Variants in ATP6V0A2 observed in about 807,000 individuals in gnomAD.
ATP6V0A2 encodes ATPase H+ transporting V0 subunit a2.
A neutral mutation model predicts 104.4 loss-of-function variants in ATP6V0A2; 58 were observed. That is an observed-to-expected ratio of 0.56 (90% CI 0.45 to 0.69). The LOEUF (loss-of-function observed/expected upper bound fraction) is 0.69, where lower values mean the gene tolerates loss of function less well. Ranked by LOEUF, ATP6V0A2 falls within the 30% of genes least tolerant of loss-of-function variation. The pLI is 0.00. For missense variants in ATP6V0A2, 938 were observed against 1,062.9 expected (o/e 0.88, Z 1.63); for synonymous variants, 376 against 397.9 (o/e 0.95, Z 0.65).
chr12:123,732,653 C>A, intron 6 of ATP6V0A2: 1 of 149,026 alleles, frequency 6.7e-6, no homozygotes, highest in Non-Finnish European at 1.5e-5. Context: ...TCCATTTACC[C>A]TGACTTGAAG....
At chr12:123,738,416 T>G (rs537784506) in intron 9 of ATP6V0A2, among the ~76,000 whole-genome samples, 1 of 152,230 alleles carries the variant, frequency 6.6e-6, no homozygotes, top group African/African-American at 2.4e-5. Context: ...AAAGAGCGTT[T>G]TCAATTTTCT....
At chr12:123,731,135 A>G (rs1047276402) in intron 6 of ATP6V0A2, 1 of 152,256 alleles carries the variant, frequency 6.6e-6, no homozygotes, top group African/African-American at 2.4e-5. Context: ...ATGCATGTCC[A>G]TTATAGAAAA....
Position 123,744,060 on chromosome 12 carries a change from A to G in ATP6V0A2, c.1189+125A>G, listed in dbSNP as rs1257806171. ...CTTTTTTGCTATCTTATTTAAAAGT[A>G]TAAGGTTTTAAATGTAACCACACAA... is the stretch of plus-strand genomic sequence containing the variant. On this transcript the variant is annotated intron_variant, in intron 10 of 19. Coordinates refer to ENST00000330342, the MANE Select transcript of ATP6V0A2 (RefSeq NM_012463.4). This position sits in a 1 kb window ranked among gnomAD's most constrained non-coding sequence, Gnocchi z 5.4. The G allele has an allele frequency of 5.9e-6, 9 of 1,533,152 alleles. No individual in the cohort carries two copies. The highest frequency in any genetic ancestry group is 2.2e-5 in the East Asian group (1 of 44,510). The allele number at this position is 1,533,152 out of a possible 1,614,324, so 95.0% of individuals were successfully genotyped here.
intron 16 of ATP6V0A2, among the ~76,000 whole-genome samples, chr12:123,751,954 G>A (rs1397734907): frequency 6.8e-6 from 1 of 147,340 alleles, no homozygotes; most frequent in Non-Finnish European, 1.5e-5. Flanking sequence ...TCTGCCCTCC[G>A]GGTTCAAGCA....
At chr12:123,727,679 A>T (rs1284223761) in intron 5 of ATP6V0A2, 104 bp from the exon 6 acceptor site, 4 of 1,421,822 alleles carry the variant, frequency 2.8e-6, no homozygotes, top group Non-Finnish European at 3.9e-6. Flanking sequence ...GGCTCTCAGG[A>T]TGTCTTCACC....
At chr12:123,737,429 A>G in intron 9 of ATP6V0A2, 158 bp downstream of exon 9, 1 of 796,366 alleles carries the variant, frequency 1.3e-6, no homozygotes, top group East Asian at 2.8e-5. Flanking sequence ...ACAAAATTAA[A>G]ATAGAGATGG....
intron 6 of ATP6V0A2, 142 bp from the exon 7 acceptor site, chr12:123,733,784 C>A: frequency 1.4e-6 from 1 of 703,984 alleles, no homozygotes; most frequent in Admixed American, 2.1e-5. Context: ...TAGGTGAATT[C>A]GTAATTACAG....
intron 9 of ATP6V0A2, among the ~76,000 whole-genome samples, chr12:123,742,837 A>G (rs1469001076): frequency 7.1e-6 from 1 of 140,786 alleles, no homozygotes. Context: ...CTCCTTCTTT[A>G]AAAAAAAAAA....
chr12:123,753,165 ACC>A, intron 17 of ATP6V0A2, among the ~76,000 whole-genome samples: 1 of 135,364 alleles, frequency 7.4e-6, no homozygotes, highest in Non-Finnish European at 1.6e-5. Context: ...AGTCCCCTTT[ACC>A]AGTGACTGCT....
chr12:123,739,948 C>A (rs1181585965), intron 9 of ATP6V0A2, among the ~76,000 whole-genome samples: 1 of 151,788 alleles, frequency 6.6e-6, no homozygotes, highest in Non-Finnish European at 1.5e-5. Flanking sequence ...TTTTCTTTTT[C>A]TTTAAAGACC....
chr12:123,742,823 G>A (rs1025640385), intron 9 of ATP6V0A2, among the ~76,000 whole-genome samples: 2 of 151,074 alleles, frequency 1.3e-5, no homozygotes, highest in East Asian at 1.9e-4. Flanking sequence ...GTGACAGAGC[G>A]AGACTCCTTC....
rs188282857 is a variant in ATP6V0A2, at chr12:123,721,606, G to A, written c.197-745G>A. 212 of 213,290 alleles carry A rather than the reference G, an allele frequency of 9.9e-4. 2 individuals carry two copies. The highest frequency in any genetic ancestry group is 4.0e-3 in the African/African-American group (172 of 43,458). 13.2% of individuals were successfully genotyped at this position (213,290 alleles called of 1,614,324 possible). A position where few individuals can be genotyped will look rare whatever the true frequency, so the allele number is the denominator to read the frequency against. Reference sequence around the variant, plus strand: ...CCAGAGTAGTGTCCGGCCACGACTGGCACCATTTTCCCAGGTTTCATGAAC... The same window carrying A: ...CCAGAGTAGTGTCCGGCCACGACTGACACCATTTTCCCAGGTTTCATGAAC... On this transcript the variant is annotated intron_variant, in intron 2 of 19. Coordinates refer to ENST00000330342, the MANE Select transcript of ATP6V0A2 (RefSeq NM_012463.4).
At chr12:123,722,308 T>G in intron 2 of ATP6V0A2, 43 bp from the exon 3 acceptor site, 1 of 1,139,814 alleles carries the variant, frequency 8.8e-7, no homozygotes, top group East Asian at 2.3e-5. Context: ...AAATGTATTA[T>G]AGTACATTTT....
Position 123,760,122 on chromosome 12 carries a change from C to T in ATP6V0A2, c.*2090C>T, listed in dbSNP as rs772018611. On this transcript the variant is annotated 3_prime_UTR_variant, in exon 20 of 20. Coordinates refer to ENST00000330342, the MANE Select transcript of ATP6V0A2 (RefSeq NM_012463.4). ...CCCTAGGAAGCCCAAGACTTCAGGG[C>T]ACTGTTAGCTGATTGGTAAATAAGG... is the stretch of plus-strand genomic sequence containing the variant. The T allele has an allele frequency of 2.6e-5, 4 of 152,150 alleles. No individual in the cohort carries two copies. Among genetic ancestry groups the T allele is most frequent in the Non-Finnish European group, 5.9e-5 (4 of 68,034 alleles). 9.4% of individuals were successfully genotyped at this position (152,150 alleles called of 1,614,324 possible).
At chr12:123,724,339 C>G (rs1956427635) in intron 3 of ATP6V0A2, 1 of 286,662 alleles carries the variant, frequency 3.5e-6, no homozygotes, top group South Asian at 3.2e-5. Flanking sequence ...GCCTGGCCAA[C>G]ATGGTGAAAC....
chr12:123,725,089 C>T (rs941558324), intron 4 of ATP6V0A2, among the ~76,000 whole-genome samples: 1 of 152,082 alleles, frequency 6.6e-6, no homozygotes, highest in Non-Finnish European at 1.5e-5. Context: ...GCGCCCGCCA[C>T]CACGCCTGTA....
chr12:123,750,964 C>G (rs1366185186), intron 15 of ATP6V0A2, 146 bp from the exon 16 acceptor site: 2 of 1,077,898 alleles, frequency 1.9e-6, no homozygotes, highest in African/African-American at 3.1e-5. Context: ...AAAAGAAAAC[C>G]CGCTGGCAAG....
At chr12:123,739,592 C>G (rs1191762042) in intron 9 of ATP6V0A2, among the ~76,000 whole-genome samples, 2 of 152,178 alleles carry the variant, frequency 1.3e-5, no homozygotes, top group Non-Finnish European at 2.9e-5. Context: ...GCCTGCAGAT[C>G]CCAGTTCTTG....
chr12:123,756,872 C>T lies in ATP6V0A2; in HGVS notation c.2351C>T (p.Thr784Ile). Residue 784 changes from threonine to isoleucine, a missense_variant, in exon 19 of 20, where the codon ACC becomes ATC. By Grantham distance (89) the Thr-to-Ile change is moderately conservative. Transcript: ENST00000330342. ...LMRVGLRVDT[T>I]YGVLLLLPVI... The stretch of plus-strand genomic sequence containing the variant: ...CGCGTGGGCCTCCGCGTTGACACCA[C>T]CTATGGCGTCTTGCTACTGCTCCCG... 3 of 1,614,208 alleles carry T rather than the reference C, an allele frequency of 1.9e-6. No homozygotes were observed. Among genetic ancestry groups the T allele is most frequent in the South Asian group, 1.1e-5 (1 of 91,086 alleles).
Sources: allele counts gnomAD v4.1 joint callset (sites outside exome capture counted in the v4.1 genomes callset), GRCh38; gene constraint gnomAD v4.1.1; non-coding constraint Gnocchi (gnomAD v3.1); transcripts MANE v1.5; gene names NCBI Gene and HGNC (gene_info 2026-07-23, HGNC 2026-07-21).